The following AIG1 variants were observed in gnomAD, a reference collection of about 807,000 sequenced individuals.
AIG1 encodes androgen-induced gene 1 protein.
A neutral mutation model predicts 31.4 loss-of-function variants in AIG1; 23 were observed. The ratio of observed to expected loss-of-function variants is 0.73; its 90% CI spans 0.53 to 1.04. The LOEUF (loss-of-function observed/expected upper bound fraction) is 1.04, where lower values mean the gene tolerates loss of function less well. Among genes scored for constraint, AIG1 ranks in the 50% least tolerant of loss-of-function variants. AIG1 has a pLI of 0.00. For synonymous variants in AIG1, 100 were observed against 110.5 expected (o/e 0.90, Z 0.60); for missense variants, 274 against 295.0 (o/e 0.93, Z 0.52).
chr6:143,085,948 T>A (rs1242300575), intron 1 of AIG1, among the ~76,000 whole-genome samples: 1 of 152,224 alleles, frequency 6.6e-6, no homozygotes, highest in Non-Finnish European at 1.5e-5. Flanking sequence ...TAATGTTAAA[T>A]CAACTTTTTC....
At chr6:143,111,843 A>G (rs1781300080) in intron 1 of AIG1, among the ~76,000 whole-genome samples, 2 of 152,122 alleles carry the variant, frequency 1.3e-5, no homozygotes, top group Non-Finnish European at 2.9e-5. Context: ...TTCCTCCTTA[A>G]TAGCCTTAAT....
intron 3 of AIG1, among the ~76,000 whole-genome samples, chr6:143,243,022 A>G (rs963703749): frequency 2.6e-5 from 4 of 152,088 alleles, no homozygotes; most frequent in African/African-American, 9.7e-5. Flanking sequence ...TTCTGCCAAC[A>G]TTATTTCCAT....
chr6:143,188,702 A>G (rs543692817), intron 3 of AIG1: 3 of 984,988 alleles, frequency 3.0e-6, no homozygotes, highest in East Asian at 1.1e-4. Context: ...AGAGCTCTCT[A>G]AGGAGACTGT....
intron 3 of AIG1, among the ~76,000 whole-genome samples, chr6:143,257,987 G>A (rs1056332941): frequency 2.0e-5 from 3 of 152,066 alleles, no homozygotes; most frequent in African/African-American, 7.2e-5. Flanking sequence ...TTTCTAACTG[G>A]GATTTCAAAA....
intron 3 of AIG1, among the ~76,000 whole-genome samples, chr6:143,265,438 T>C (rs1264523810): frequency 1.3e-5 from 2 of 152,224 alleles, no homozygotes; most frequent in African/African-American, 2.4e-5. Flanking sequence ...CTGCTGCTGC[T>C]ATCTCAGTCA....
intron 2 of AIG1, among the ~76,000 whole-genome samples, chr6:143,148,337 CAAAAAAAA>C (rs527337431): frequency 2.2e-5 from 1 of 46,382 alleles, no homozygotes; most frequent in African/African-American, 6.8e-5. Flanking sequence ...CCCATCTCTA[CAAAAAAAA>C]AAAAAAAAAA....
At chr6:143,335,425 G>A (rs888631831) in intron 5 of AIG1, 3 of 167,318 alleles carry the variant, frequency 1.8e-5, no homozygotes, top group Middle Eastern at 2.5e-3. Flanking sequence ...CCAGGTACTC[G>A]GGAGGCTGAG....
Position 143,288,702 on chromosome 6 carries a change from G to A in AIG1, c.515+4477G>A, listed in dbSNP as rs536914612. ...AAAGAGGTTTATTCTGAGGCAATAC[G>A]AGTGACCATGGCCCAGGAAACAGTC... On this transcript the variant is annotated intron_variant, in intron 4 of 5. Transcript: ENST00000357847. The surrounding 1 kb of genome is among the most constrained non-coding windows in gnomAD (Gnocchi z 4.4). 1.3e-5 allele frequency among the ~76,000 whole-genome samples: 2 copies of A among 152,276 alleles called. No individual in the cohort carries two copies. Among genetic ancestry groups the A allele is most frequent in the East Asian group, 1.9e-4 (1 of 5,182 alleles).
intron 3 of AIG1, among the ~76,000 whole-genome samples, chr6:143,215,347 A>G (rs1273936706): frequency 6.6e-6 from 1 of 152,178 alleles, no homozygotes; most frequent in African/African-American, 2.4e-5. Flanking sequence ...GTGCTAGCCT[A>G]ACTCAGCATC....
chr6:143,266,492 AAC>A (rs369098822), intron 3 of AIG1, among the ~76,000 whole-genome samples: 4 of 151,886 alleles, frequency 2.6e-5, no homozygotes, highest in South Asian at 2.1e-4. Flanking sequence ...CCTAAGTGTT[AAC>A]ACACACACAC....
At chr6:143,150,510 C>G (rs917760028) in intron 2 of AIG1, among the ~76,000 whole-genome samples, 22 of 152,248 alleles carry the variant, frequency 1.4e-4, no homozygotes, top group African/African-American at 4.8e-4. Context: ...GCCACTCATC[C>G]CTACAGATTG....
rs1487071122 is a variant in AIG1 at position 143,279,172 on chromosome 6, T to A, written c.400-4938T>A. 6.6e-6 allele frequency among the ~76,000 whole-genome samples: 1 copy of A among 152,176 alleles called. No homozygotes were observed. Among genetic ancestry groups the A allele is most frequent in the Non-Finnish European group, 1.5e-5 (1 of 68,030 alleles). ...TAATCTTCAACTCTGAAAGTTCATTTTTTTCTTCTGATTCTAAAAGAAACT... is the reference window on the plus strand; with the variant it reads ...TAATCTTCAACTCTGAAAGTTCATTATTTTCTTCTGATTCTAAAAGAAACT... On this transcript the variant is annotated intron_variant, in intron 3 of 5. Transcript: ENST00000357847. The surrounding 1 kb of genome is among the most constrained non-coding windows in gnomAD (Gnocchi z 5.4).
At chr6:143,250,119 G>A (rs1256026073) in intron 3 of AIG1, among the ~76,000 whole-genome samples, 2 of 152,246 alleles carry the variant, frequency 1.3e-5, no homozygotes, top group East Asian at 1.9e-4. Context: ...TTGAGCCCAG[G>A]CGTGGTCCCC....
intron 1 of AIG1, among the ~76,000 whole-genome samples, chr6:143,124,575 C>T (rs925596473): frequency 3.3e-5 from 5 of 152,180 alleles, no homozygotes; most frequent in Non-Finnish European, 4.4e-5. Context: ...GCAAACACAC[C>T]TTTTCCAGTG....
At chr6:143,172,869 G>A (rs1787769207) in intron 3 of AIG1, among the ~76,000 whole-genome samples, 1 of 152,128 alleles carries the variant, frequency 6.6e-6, no homozygotes, top group Non-Finnish European at 1.5e-5. Flanking sequence ...GTTCACCGTA[G>A]CCTTGAATGA....
chr6:143,071,086 T>G (rs1245045953), intron 1 of AIG1, among the ~76,000 whole-genome samples: 1 of 152,228 alleles, frequency 6.6e-6, no homozygotes, highest in African/African-American at 2.4e-5. Flanking sequence ...TGGCCACAAC[T>G]ACCTTCTCCC....
At chr6:143,137,071 C>A (rs1783825809) in intron 2 of AIG1, 81 bp downstream of exon 2, 1 of 1,291,798 alleles carries the variant, frequency 7.7e-7, no homozygotes, top group Non-Finnish European at 1.0e-6. Flanking sequence ...AAAAAGAGTT[C>A]ATTATAAGAG....
rs1407231108 is a variant in AIG1, at chr6:143,107,465, C to T, written c.142-29370C>T. Among the ~76,000 whole-genome samples the T allele has an allele frequency of 2.6e-5, 4 of 152,126 alleles. No homozygotes were observed. In the Middle Eastern group the frequency reaches 0.01, roughly 388 times the overall value. The stretch of plus-strand genomic sequence containing the variant: ...AGCTGTATAAAATTATGGTGATATA[C>T]GAGTGAACTGAGATATTTTTAAACT... On this transcript the variant is annotated intron_variant, in intron 1 of 5. Coordinates refer to ENST00000357847, the MANE Select transcript of AIG1 (RefSeq NM_016108.4).
chr6:143,138,343 A>G (rs770651939), intron 2 of AIG1, among the ~76,000 whole-genome samples: 2 of 152,240 alleles, frequency 1.3e-5, no homozygotes, highest in African/African-American at 4.8e-5. Context: ...CTATCAGAAT[A>G]GTCATCTAAG....
Sources: allele counts gnomAD v4.1 joint callset (sites outside exome capture counted in the v4.1 genomes callset), GRCh38; gene constraint gnomAD v4.1.1; non-coding constraint Gnocchi (gnomAD v3.1); transcripts MANE v1.5; gene names NCBI Gene and HGNC (gene_info 2026-07-23, HGNC 2026-07-21).